The following NPR2 variants were observed in gnomAD, a reference collection of about 807,000 sequenced individuals.
The protein encoded by NPR2 is natriuretic peptide receptor 2.
NPR2 carries 49 observed loss-of-function variants against 120.7 expected under a neutral mutation model. The ratio of observed to expected loss-of-function variants is 0.41; its 90% CI spans 0.32 to 0.52. NPR2 has a LOEUF of 0.52. Among genes scored for constraint, NPR2 ranks in the 20% least tolerant of loss-of-function variants. The probability of loss-of-function intolerance (pLI) is 0.36; values close to 1 mark genes in which losing one functional copy is unlikely to be tolerated. For synonymous variants in NPR2, 484 were observed against 519.8 expected, an observed-to-expected ratio of 0.93 and a Z score of 0.94; for missense variants, 931 against 1,362.9, an observed-to-expected ratio of 0.68 and a Z score of 4.99.
In NPR2 at chr9:35,802,332, G is replaced by A. The variant is rs1238632390; in HGVS notation, c.1710+49G>A. The A allele has an allele frequency of 2.6e-6, 3 of 1,161,196 alleles. No individual in the cohort carries two copies. In the Admixed American group the frequency reaches 5.0e-5, roughly 20 times the overall value. 71.9% of individuals were successfully genotyped at this position (1,161,196 alleles called of 1,614,324 possible). A position where few individuals can be genotyped will look rare whatever the true frequency, so the allele number is the denominator to read the frequency against. On this transcript the variant is annotated intron_variant, in intron 10 of 21. Coordinates refer to ENST00000342694, the MANE Select transcript of NPR2 (RefSeq NM_003995.4). This position sits in a 1 kb window ranked among gnomAD's most constrained non-coding sequence, Gnocchi z 4.2. ...AACATGTATGTAATGGAGGAGTGGG[G>A]AAAACTATGAAATAGTAAAATTGGC... is the stretch of plus-strand genomic sequence containing the variant.
intron 18 of NPR2, 108 bp downstream of exon 18, chr9:35,807,506 C>T (rs1828465473): frequency 1.1e-6 from 1 of 898,774 alleles, no homozygotes. Context: ...ATCAGTTTTC[C>T]CTCCAGGGTA....
rs1440373349 is a variant in NPR2 at position 35,793,069 on chromosome 9, G to A, written c.661G>A (p.Gly221Arg). The change falls in exon 1 of 22, where the codon GGG becomes AGG. Residue 221 changes from glycine (G) to arginine (R), a missense_variant. Transcript: ENST00000342694. ...GGCCACCCACTTCATCCGGGCCAACGGGCGCAGTGAGTGTGGCCTGGGCTA... is the reference window on the plus strand; with the variant it reads ...GGCCACCCACTTCATCCGGGCCAACAGGCGCAGTGAGTGTGGCCTGGGCTA... ...EQATHFIRAN[G>R]RIVYICGPLE... The A allele has an allele frequency of 4.4e-6, 7 of 1,594,732 alleles. No individual in the cohort carries two copies. Among genetic ancestry groups the A allele is most frequent in the Non-Finnish European group, 6.0e-6 (7 of 1,172,702 alleles).
chr9:35,792,685 C>A lies in NPR2; in HGVS notation c.277C>A (p.Pro93Thr), dbSNP rs773934765. Residue 93 changes from proline to threonine, a missense_variant, in exon 1 of 22, where the codon CCC (proline) becomes ACC (threonine). Transcript: ENST00000342694. ...SAVDLKLYHD[P>T]DLLLGPGCVY... Reference sequence around the variant, plus strand: ...TGTGGACCTCAAGCTGTACCATGACCCCGACCTGCTGTTAGGTCCCGGTTG... The same window carrying A: ...TGTGGACCTCAAGCTGTACCATGACACCGACCTGCTGTTAGGTCCCGGTTG... 2 of 1,614,128 alleles carry A rather than the reference C, an allele frequency of 1.2e-6. No individual in the cohort carries two copies. Among genetic ancestry groups the A allele is most frequent in the Non-Finnish European group, 1.7e-6 (2 of 1,180,030 alleles).
chr9:35,807,372 A>G lies in NPR2; in HGVS notation c.2686A>G (p.Ile896Val), dbSNP rs763046800. ...TGACCTGTATACCTGCTTTGATGCCATAATTGACAACTTTGATGTCTACAA... is the reference window on the plus strand; with the variant it reads ...TGACCTGTATACCTGCTTTGATGCCGTAATTGACAACTTTGATGTCTACAA... ...LNDLYTCFDA[I>V]IDNFDVYKVE... Residue 896 changes from isoleucine to valine, a missense_variant, in exon 18 of 22, where the codon ATA (isoleucine) becomes GTA (valine). By Grantham distance (29) the Ile-to-Val change is conservative. Transcript: ENST00000342694. 30 of 1,612,912 alleles carry G rather than the reference A, an allele frequency of 1.9e-5. No homozygotes were observed. The highest frequency in any genetic ancestry group is 2.3e-5 in the Non-Finnish European group (27 of 1,179,470).
Position 35,792,253 on chromosome 9 carries a change from C to G in NPR2, c.-156C>G. ...TTCCTCCCATCTCCCCCTCCTCTCCCCGGCCCCCAGCACCTTCTGCATCCC... is the reference window on the plus strand; with the variant it reads ...TTCCTCCCATCTCCCCCTCCTCTCCGCGGCCCCCAGCACCTTCTGCATCCC... On this transcript the variant is annotated 5_prime_UTR_variant, in exon 1 of 22. Coordinates refer to ENST00000342694, the MANE Select transcript of NPR2 (RefSeq NM_003995.4). The G allele has an allele frequency of 1.3e-6, 1 of 756,282 alleles. No homozygotes were observed. The highest frequency in any genetic ancestry group is 2.1e-6 in the Non-Finnish European group (1 of 478,276). The allele number at this position is 756,282 out of a possible 1,614,324, so 46.8% of individuals were successfully genotyped here.
chr9:35,800,640 A>C lies in NPR2; in HGVS notation c.1219-69A>C. 6.2e-7 allele frequency: 1 copy of C among 1,612,928 alleles called. No individual in the cohort carries two copies. The highest frequency in any genetic ancestry group is 8.5e-7 in the Non-Finnish European group (1 of 1,179,414). Reference sequence around the variant, plus strand: ...GGTAGGCTGGGGAGAAAAGCAGCGAAACAGCTGGGGTCTGGGGAGGAGGCT... The same window carrying C: ...GGTAGGCTGGGGAGAAAAGCAGCGACACAGCTGGGGTCTGGGGAGGAGGCT... On this transcript the variant is annotated intron_variant, in intron 5 of 21. Coordinates refer to ENST00000342694, the MANE Select transcript of NPR2 (RefSeq NM_003995.4). This position sits in a 1 kb window ranked among gnomAD's most constrained non-coding sequence, Gnocchi z 4.7.
intron 2 of NPR2, among the ~76,000 whole-genome samples, chr9:35,794,362 G>C (rs376848457): frequency 1.8e-4 from 27 of 152,346 alleles, no homozygotes; most frequent in African/African-American, 6.0e-4. Context: ...GCCAGTAGTA[G>C]GCTATATTGT....
At position 35,792,327 on chromosome 9, in the gene NPR2, C is replaced by T. The variant is rs376474751; in HGVS notation, c.-82C>T. ...CTTCCTGGCCCTCTTCCCCAGGCTC[C>T]AGGCTGGGGGGTGCTCGCGTCTCCC... On this transcript the variant is annotated 5_prime_UTR_variant, in exon 1 of 22. Transcript: ENST00000342694. 5.5e-5 allele frequency: 80 copies of T among 1,452,058 alleles called. No homozygotes were observed. The African/African-American group carries it at 9.7e-4, about 18-fold the overall frequency. The allele number at this position is 1,452,058 out of a possible 1,614,324, so 89.9% of individuals were successfully genotyped here.
At position 35,806,331 on chromosome 9, in the gene NPR2, T is replaced by C; in HGVS notation, c.2373-61T>C. 2 of 1,609,694 alleles carry C rather than the reference T, an allele frequency of 1.2e-6. No homozygotes were observed. Among genetic ancestry groups the C allele is most frequent in the Middle Eastern group, 1.7e-4 (1 of 6,052 alleles). On this transcript the variant is annotated intron_variant, in intron 15 of 21. Coordinates refer to ENST00000342694, the MANE Select transcript of NPR2 (RefSeq NM_003995.4). This position sits in a 1 kb window ranked among gnomAD's most constrained non-coding sequence, Gnocchi z 4.6. ...AGGTGGGACCAGAGGGTGGGTTGGA[T>C]AGGAAGTCCTGGGAATCTTCAGAAT...
Position 35,798,013 on chromosome 9 carries a change from T to C in NPR2, c.874-1605T>C, listed in dbSNP as rs554271869. Among the ~76,000 whole-genome samples the C allele has an allele frequency of 4.6e-5, 7 of 152,336 alleles. No individual in the cohort carries two copies. The South Asian group carries it at 6.2e-4, about 14-fold the overall frequency. The stretch of plus-strand genomic sequence containing the variant: ...TTCAAAATTTATCAGTTTTAATTTC[T>C]AAGATGGTCAATATTGATAGATATA... On this transcript the variant is annotated intron_variant, in intron 2 of 21. Transcript: ENST00000342694.
At position 35,794,427 on chromosome 9, in the gene NPR2, C is replaced by T. The variant is rs1588052376; in HGVS notation, c.873+324C>T. ...TCCTAGCCCTTGGGTGGGCTTCCAC[C>T]CTTTATGGAGAGGTGAGGCATCGTT... On this transcript the variant is annotated intron_variant, in intron 2 of 21. Transcript: ENST00000342694. Among the ~76,000 whole-genome samples, 3 of 152,276 alleles carry T rather than the reference C, an allele frequency of 2.0e-5. No individual in the cohort carries two copies. In the East Asian group the frequency reaches 5.8e-4, roughly 29 times the overall value.
At position 35,808,652 on chromosome 9, in the gene NPR2, C is replaced by T; in HGVS notation, c.2856C>T (p.Asp952=). The T allele has an allele frequency of 6.2e-7, 1 of 1,614,158 alleles. No individual in the cohort carries two copies. ...TTCGCATCCGCCACCGACCCCATGACCAGCTGAGGCTACGCATAGGGGTCC... is the reference window on the plus strand; with the variant it reads ...TTCGCATCCGCCACCGACCCCATGATCAGCTGAGGCTACGCATAGGGGTCC... ...SSFRIRHRPH[D]QLRLRIGVHT... is the part of the protein sequence containing the mutation. The change falls in exon 19 of 22, where the codon GAC becomes GAT. Residue 952 remains aspartate, a synonymous_variant. Transcript: ENST00000342694. The surrounding 1 kb of genome is among the most constrained non-coding windows in gnomAD (Gnocchi z 4.0).
rs1827802718 is a variant in NPR2 at position 35,792,205 on chromosome 9, C to A, written c.-204C>A. 1 of 564,584 alleles carries A rather than the reference C, an allele frequency of 1.8e-6. No homozygotes were observed. Among genetic ancestry groups the A allele is most frequent in the Non-Finnish European group, 3.1e-6 (1 of 319,340 alleles). 35.0% of individuals were successfully genotyped at this position (564,584 alleles called of 1,614,324 possible). A position where few individuals can be genotyped will look rare whatever the true frequency, so the allele number is the denominator to read the frequency against. On this transcript the variant is annotated 5_prime_UTR_variant, in exon 1 of 22. Transcript: ENST00000342694. ...TCAGTCCTTGCCCTAGGCTGGTAGC[C>A]CACTCCTTGCCCGCCCCCCGCCTTC...
At position 35,803,097 on chromosome 9, in the gene NPR2, T is replaced by A. The variant is rs1828235578; in HGVS notation, c.1887+294T>A. On this transcript the variant is annotated intron_variant, in intron 12 of 21. Transcript: ENST00000342694. ...CTAAGAACTCATAAAATGAGTGGAG[T>A]CTCTGAACATATTTTTTTTTTTTTG... 2.0e-5 allele frequency among the ~76,000 whole-genome samples: 3 copies of A among 151,912 alleles called. 1 individual carries two copies. Among genetic ancestry groups the A allele is most frequent in the Admixed American group, 2.0e-4 (3 of 15,242 alleles).
At chr9:35,801,423 T>G (rs746546761) in intron 7 of NPR2, among the ~76,000 whole-genome samples, 5 of 152,266 alleles carry the variant, frequency 3.3e-5, no homozygotes, top group Non-Finnish European at 7.3e-5. Context: ...TCCATTGGTC[T>G]TCTTTTAGGA....
At position 35,802,924 on chromosome 9, in the gene NPR2, T is replaced by C. The variant is rs1379613566; in HGVS notation, c.1887+121T>C. The C allele has an allele frequency of 5.2e-6, 4 of 763,026 alleles. No individual in the cohort carries two copies. The highest frequency in any genetic ancestry group is 7.1e-6 in the Non-Finnish European group (3 of 422,774). The allele number at this position is 763,026 out of a possible 1,614,324, so 47.3% of individuals were successfully genotyped here. On this transcript the variant is annotated intron_variant, in intron 12 of 21. Transcript: ENST00000342694. This position sits in a 1 kb window ranked among gnomAD's most constrained non-coding sequence, Gnocchi z 4.2. ...GTTCTCTCATCTCCCCTTATTCCCA[T>C]GGTCTGGTAATAATGGGTAAACAAG...
rs751829714 is a variant in NPR2, at chr9:35,800,768, C to T, written c.1278C>T (p.Pro426=). 1 of 1,614,166 alleles carries T rather than the reference C, an allele frequency of 6.2e-7. No homozygotes were observed. The highest frequency in any genetic ancestry group is 1.7e-5 in the Admixed American group (1 of 60,024). ...KQIWWTGRPI[P]WVKGAPPSDN... ...TTTGGTGGACGGGACGGCCTATTCC[C>T]TGGGTGAAGGGGGCTCCTCCCTCGG... Residue 426 remains proline, a synonymous_variant, in exon 6 of 22, where the codon CCC becomes CCT. Transcript: ENST00000342694. This position sits in a 1 kb window ranked among gnomAD's most constrained non-coding sequence, Gnocchi z 4.7.
At position 35,792,263 on chromosome 9, in the gene NPR2, G is replaced by A; in HGVS notation, c.-146G>A. On this transcript the variant is annotated 5_prime_UTR_variant, in exon 1 of 22. Coordinates refer to ENST00000342694, the MANE Select transcript of NPR2 (RefSeq NM_003995.4). The stretch of plus-strand genomic sequence containing the variant: ...CTCCCCCTCCTCTCCCCGGCCCCCA[G>A]CACCTTCTGCATCCCAGCCTACCTA... 1 of 469,790 alleles carries A rather than the reference G, an allele frequency of 2.1e-6. No individual in the cohort carries two copies. The highest frequency in any genetic ancestry group is 3.3e-6 in the Non-Finnish European group (1 of 306,514). The allele number at this position is 469,790 out of a possible 1,614,324, so 29.1% of individuals were successfully genotyped here.
rs2132093849 is a variant in NPR2 at position 35,806,916 on chromosome 9, T to C, written c.2520-107T>C. On this transcript the variant is annotated intron_variant, in intron 16 of 21. Coordinates refer to ENST00000342694, the MANE Select transcript of NPR2 (RefSeq NM_003995.4). The surrounding 1 kb of genome is among the most constrained non-coding windows in gnomAD (Gnocchi z 4.6). ...TTTCCTCCCTCCCACCTGAAAAGCCTAGCTTTCTTGTTACAGCTCATCTCT... is the reference window on the plus strand; with the variant it reads ...TTTCCTCCCTCCCACCTGAAAAGCCCAGCTTTCTTGTTACAGCTCATCTCT... 7.7e-7 allele frequency: 1 copy of C among 1,302,176 alleles called. No individual in the cohort carries two copies. The highest frequency in any genetic ancestry group is 1.1e-6 in the Non-Finnish European group (1 of 914,132). 80.7% of individuals were successfully genotyped at this position (1,302,176 alleles called of 1,614,324 possible). A position where few individuals can be genotyped will look rare whatever the true frequency, so the allele number is the denominator to read the frequency against.
Sources: gnomAD v4.1 joint callset for allele counts (sites outside exome capture counted in the v4.1 genomes callset) on GRCh38, gnomAD v4.1.1 for gene constraint, Gnocchi (gnomAD v3.1) non-coding constraint, MANE v1.5 for transcripts, NCBI Gene and HGNC (gene_info 2026-07-23, HGNC 2026-07-21) for gene names.